The following NRG3 variants were observed in gnomAD, a reference collection of about 807,000 sequenced individuals.
NRG3 encodes neuregulin 3.
NRG3 carries 31 observed loss-of-function variants against 66.9 expected under a neutral mutation model. The observed-to-expected ratio is 0.46, with a 90% CI of 0.35 to 0.63. The LOEUF is 0.63. NRG3 is among the 20% of genes least tolerant of loss of function. The pLI, the probability that NRG3 is intolerant of heterozygous loss-of-function variation, is 0.00. For synonymous variants in NRG3, 393 were observed against 359.4 expected, an observed-to-expected ratio of 1.09 and a Z score of -1.06; for missense variants, 910 against 878.9, an observed-to-expected ratio of 1.04 and a Z score of -0.45.
At chr10:81,990,396 T>A (rs941732677) in intron 1 of NRG3, among the ~76,000 whole-genome samples, 2 of 152,184 alleles carry the variant, frequency 1.3e-5, no homozygotes, top group Non-Finnish European at 2.9e-5. Flanking sequence ...TATGAAGTCA[T>A]CTGTATTTTA....
chr10:82,266,579 C>T (rs2078310866), intron 1 of NRG3, among the ~76,000 whole-genome samples: 1 of 152,174 alleles, frequency 6.6e-6, no homozygotes, highest in Non-Finnish European at 1.5e-5. Flanking sequence ...AACTATGTCT[C>T]ATTACTAAAG....
chr10:82,322,085 T>G (rs910779013), intron 1 of NRG3, among the ~76,000 whole-genome samples: 4 of 152,212 alleles, frequency 2.6e-5, no homozygotes, highest in Non-Finnish European at 5.9e-5. Context: ...ACAGTTTTTA[T>G]TCTTCTAGGA....
At chr10:82,018,319 G>A (rs1228020616) in intron 1 of NRG3, among the ~76,000 whole-genome samples, 2 of 152,126 alleles carry the variant, frequency 1.3e-5, no homozygotes, top group East Asian at 1.9e-4. Flanking sequence ...CCAGTACCAT[G>A]CTGTTTTGGT....
intron 2 of NRG3, among the ~76,000 whole-genome samples, chr10:82,406,175 C>T (rs1335694258): frequency 6.6e-6 from 1 of 152,152 alleles, no homozygotes; most frequent in East Asian, 1.9e-4. Flanking sequence ...TAATTTTCTG[C>T]ATAGCAATTA....
intron 2 of NRG3, among the ~76,000 whole-genome samples, chr10:82,727,006 T>C (rs540791481): frequency 2.0e-5 from 3 of 152,244 alleles, no homozygotes; most frequent in African/African-American, 7.2e-5. Flanking sequence ...TTTGTGCAAC[T>C]TTGAACTTGA....
At chr10:82,033,746 T>C (rs2062673421) in intron 1 of NRG3, among the ~76,000 whole-genome samples, 1 of 152,118 alleles carries the variant, frequency 6.6e-6, no homozygotes, top group African/African-American at 2.4e-5. Flanking sequence ...ATGGTCCCTT[T>C]AACTCTGAGC....
intron 3 of NRG3, among the ~76,000 whole-genome samples, chr10:82,752,606 G>A (rs369418639): frequency 2.4e-4 from 36 of 152,044 alleles, no homozygotes; most frequent in African/African-American, 8.7e-4. Context: ...TAATATGACT[G>A]CTATGGTCTG....
chr10:82,668,841 A>T (rs1161301435), intron 2 of NRG3, among the ~76,000 whole-genome samples: 2 of 152,088 alleles, frequency 1.3e-5, no homozygotes, highest in Non-Finnish European at 2.9e-5. Context: ...TGAATTTGGG[A>T]ATTGTCTGCC....
chr10:82,055,914 C>G (rs79700292), intron 1 of NRG3, among the ~76,000 whole-genome samples: 2,144 of 152,176 alleles, frequency 0.014, 52 homozygotes, highest in African/African-American at 0.049. Context: ...TGAATTTCTC[C>G]TTTTGTTCTT....
At position 81,915,061 on chromosome 10, in the gene NRG3, T is replaced by C. The variant is rs192700909; in HGVS notation, c.823+38898T>C. 1.1e-3 allele frequency among the ~76,000 whole-genome samples: 175 copies of C among 152,312 alleles called. 1 individual carries two copies. The highest frequency in any genetic ancestry group is 0.01 in the Middle Eastern group (3 of 294). On this transcript the variant is annotated intron_variant, in intron 1 of 8. Coordinates refer to ENST00000372141, the MANE Select transcript of NRG3 (RefSeq NM_001010848.4). ...AGATCACGTGGAGAAATGGCTTGCA[T>C]TGGGATAATTTATAACTTATTAAAA...
chr10:81,989,045 T>G (rs1214117103), intron 1 of NRG3, among the ~76,000 whole-genome samples: 2 of 152,256 alleles, frequency 1.3e-5, no homozygotes, highest in African/African-American at 4.8e-5. Flanking sequence ...AATTACACTC[T>G]CTGTATATTG....
intron 1 of NRG3, among the ~76,000 whole-genome samples, chr10:82,203,383 G>C (rs1213013946): frequency 6.6e-6 from 1 of 152,088 alleles, no homozygotes; most frequent in Non-Finnish European, 1.5e-5. Flanking sequence ...AATTCAGCTT[G>C]GTTTGAGTTT....
At chr10:81,959,495 T>C (rs1165119770) in intron 1 of NRG3, among the ~76,000 whole-genome samples, 1 of 152,216 alleles carries the variant, frequency 6.6e-6, no homozygotes, top group African/African-American at 2.4e-5. Context: ...TTTGCTGGAT[T>C]GCTTACTGAC....
chr10:82,066,828 T>A (rs1364821928), intron 1 of NRG3, among the ~76,000 whole-genome samples: 3 of 152,186 alleles, frequency 2.0e-5, no homozygotes, highest in African/African-American at 7.2e-5. Flanking sequence ...ATTCTTTTTT[T>A]TTTGAGTCAT....
At chr10:82,326,632 A>G (rs1030209312) in intron 1 of NRG3, among the ~76,000 whole-genome samples, 1 of 152,118 alleles carries the variant, frequency 6.6e-6, no homozygotes, top group Non-Finnish European at 1.5e-5. Context: ...TATGTACCCA[A>G]GACCCCTACC....
At chr10:82,250,204 T>C (rs1589464839) in intron 1 of NRG3, among the ~76,000 whole-genome samples, 1 of 152,316 alleles carries the variant, frequency 6.6e-6, no homozygotes, top group East Asian at 1.9e-4. Context: ...AACTAAAATA[T>C]GCCACAAAAA....
chr10:82,328,172 A>G (rs768835351), intron 1 of NRG3, among the ~76,000 whole-genome samples: 9 of 152,194 alleles, frequency 5.9e-5, no homozygotes, highest in Non-Finnish European at 1.0e-4. Flanking sequence ...CTTATATTGC[A>G]GAAGCCAACA....
chr10:82,081,040 TTTTTG>T (rs140499189), intron 1 of NRG3, among the ~76,000 whole-genome samples: 7,225 of 152,212 alleles, frequency 0.047, 547 homozygotes, highest in African/African-American at 0.16. Context: ...TGCAATATTA[TTTTTG>T]TTTTGTTTTG....
chr10:82,861,248 G>C (rs1265979017), intron 3 of NRG3, among the ~76,000 whole-genome samples: 1 of 152,046 alleles, frequency 6.6e-6, no homozygotes, highest in Admixed American at 6.6e-5. Flanking sequence ...TGTATGTCCA[G>C]TGGTGTCAGT....
Sources: gnomAD v4.1 joint callset for allele counts (sites outside exome capture counted in the v4.1 genomes callset) on GRCh38, gnomAD v4.1.1 for gene constraint, MANE v1.5 for transcripts, NCBI Gene and HGNC (gene_info 2026-07-23, HGNC 2026-07-21) for gene names.